Variants in PTGES3 observed in about 807,000 individuals in gnomAD.
PTGES3 encodes the protein prostaglandin E synthase 3.
PTGES3 carries 5 observed loss-of-function variants against 29.9 expected under a neutral mutation model. The ratio of observed to expected loss-of-function variants is 0.17; its 90% CI spans 0.09 to 0.35. The LOEUF is 0.35. PTGES3 is among the 10% of genes least tolerant of loss of function. The pLI, the probability that PTGES3 is intolerant of heterozygous loss-of-function variation, is 1.00. For missense variants in PTGES3, 128 were observed against 190.0 expected, an observed-to-expected ratio of 0.67 and a Z score of 1.92; for synonymous variants, 49 against 57.8, an observed-to-expected ratio of 0.85 and a Z score of 0.69.
At chr12:56,683,570 A>C (rs1214093605) in intron 1 of PTGES3, among the ~76,000 whole-genome samples, 5 of 151,438 alleles carry the variant, frequency 3.3e-5, no homozygotes, top group Non-Finnish European at 7.4e-5. Flanking sequence ...GAACTACTTC[A>C]ACCCAGAAGG....
intron 6 of PTGES3, 155 bp from the exon 7 acceptor site, chr12:56,664,955 G>C (rs1951732026): frequency 1.0e-6 from 1 of 985,144 alleles, no homozygotes; most frequent in Non-Finnish European, 1.2e-6. Flanking sequence ...GACTTGACTA[G>C]GTTTACCTAA....
intron 1 of PTGES3, among the ~76,000 whole-genome samples, chr12:56,679,567 TTA>T (rs1287150953): frequency 2.6e-5 from 4 of 152,188 alleles, no homozygotes; most frequent in African/African-American, 9.6e-5. Flanking sequence ...TACACAATGG[TTA>T]TGAGTTTAGC....
intron 1 of PTGES3, among the ~76,000 whole-genome samples, chr12:56,681,862 AAAAG>A (rs2137703334): frequency 6.6e-6 from 1 of 151,978 alleles, no homozygotes; most frequent in African/African-American, 2.4e-5. Flanking sequence ...ATCTCAAAAA[AAAAG>A]AGTCTCACTC....
chr12:56,666,313 C>A, intron 5 of PTGES3, 47 bp from the exon 6 acceptor site: 2 of 1,589,562 alleles, frequency 1.3e-6, no homozygotes, highest in Non-Finnish European at 1.7e-6. Flanking sequence ...TTAAGTTAGG[C>A]CCTAATTATT....
intron 1 of PTGES3, among the ~76,000 whole-genome samples, chr12:56,686,035 A>G (rs1592289645): frequency 6.6e-6 from 1 of 151,884 alleles, no homozygotes; most frequent in Non-Finnish European, 1.5e-5. Flanking sequence ...TCGGCCTCCC[A>G]AGTATAGGGA....
rs549250596 is a variant in PTGES3, at chr12:56,673,535, T to C, written c.3-470A>G. Among the ~76,000 whole-genome samples, 22 of 138,160 alleles carry C rather than the reference T, an allele frequency of 1.6e-4. No homozygotes were observed. The South Asian group carries it at 5.1e-3, about 32-fold the overall frequency. The allele number at this position is 138,160 out of a possible 152,430, so 90.6% of individuals were successfully genotyped here. ...AAAGCAGGGTACGGTGGCTCACGCCTGTAATCCCAGCACTTTGGGAGGCTG... is the reference window on the plus strand; with the variant it reads ...AAAGCAGGGTACGGTGGCTCACGCCCGTAATCCCAGCACTTTGGGAGGCTG... On this transcript the variant is annotated intron_variant, in intron 1 of 7. Coordinates refer to ENST00000262033, the MANE Select transcript of PTGES3 (RefSeq NM_006601.7).
chr12:56,687,750 G>GTTT lies in PTGES3; in HGVS notation c.2+247_2+248insAAA, dbSNP rs1455094023. On this transcript the variant is annotated intron_variant, in intron 1 of 7. Transcript: ENST00000262033. ...GGCGAGTAACCCAGACAGCCAAAGG[G>GTTT]GTAAAAGTAGGATTTCCGGCATGGG... 4 of 1,380,394 alleles carry GTTT rather than the reference G, an allele frequency of 2.9e-6. No homozygotes were observed. In the African/African-American group the frequency reaches 4.6e-5, roughly 16 times the overall value. 85.5% of individuals were successfully genotyped at this position (1,380,394 alleles called of 1,614,324 possible).
chr12:56,683,714 C>G (rs1952678142), intron 1 of PTGES3, among the ~76,000 whole-genome samples: 1 of 151,090 alleles, frequency 6.6e-6, no homozygotes, highest in South Asian at 2.1e-4. Context: ...AATCCCAGCA[C>G]TTTGGGAGGC....
At chr12:56,687,867 G>A (rs1952957895) in intron 1 of PTGES3, 131 bp downstream of exon 1, 17 of 1,549,550 alleles carry the variant, frequency 1.1e-5, no homozygotes, top group African/African-American at 1.4e-5. Context: ...AAGGATCCTG[G>A]ACCTCCCGCC....
In PTGES3 at chr12:56,679,408, C is replaced by CAAAA. The variant is rs770485836; in HGVS notation, c.3-6347_3-6344dup. Reference sequence around the variant, plus strand: ...TGGGCAACAGAGTGAGACTCTGCCTCAAAAAAAAAAAAAAAAAAAAAAAGC... The same window carrying CAAAA: ...TGGGCAACAGAGTGAGACTCTGCCTCAAAAAAAAAAAAAAAAAAAAAAAAAAAGC... On this transcript the variant is annotated intron_variant, in intron 1 of 7. Transcript: ENST00000262033. 2.6e-3 allele frequency among the ~76,000 whole-genome samples: 168 copies of CAAAA among 64,900 alleles called. 11 individuals are homozygous for CAAAA. Among genetic ancestry groups the CAAAA allele is most frequent in the Middle Eastern group, 0.014 (1 of 70 alleles). The allele number at this position is 64,900 out of a possible 152,430, so 42.6% of individuals were successfully genotyped here. A position where few individuals can be genotyped will look rare whatever the true frequency, so the allele number is the denominator to read the frequency against.
At chr12:56,680,362 A>C (rs1952473438) in intron 1 of PTGES3, among the ~76,000 whole-genome samples, 2 of 150,520 alleles carry the variant, frequency 1.3e-5, no homozygotes, top group South Asian at 2.1e-4. Flanking sequence ...GGTGTGAGTC[A>C]CTGCACCCAA....
intron 6 of PTGES3, 117 bp downstream of exon 6, chr12:56,666,087 C>CTT: frequency 3.6e-6 from 5 of 1,383,392 alleles, no homozygotes; most frequent in Admixed American, 3.2e-5. Context: ...TTTCCCTTTT[C>CTT]TTTTTTTTTA....
chr12:56,687,149 C>T, intron 1 of PTGES3: 10 of 937,622 alleles, frequency 1.1e-5, no homozygotes, highest in Non-Finnish European at 1.3e-5. Flanking sequence ...TCTGTATTCA[C>T]CTCCACACAA....
intron 1 of PTGES3, among the ~76,000 whole-genome samples, chr12:56,683,537 G>A (rs1952662441): frequency 7.0e-6 from 1 of 143,242 alleles, no homozygotes. Context: ...TGGAATCCCA[G>A]CTACTCAGGA....
chr12:56,664,421 T>G lies in PTGES3; in HGVS notation c.*58A>C. On this transcript the variant is annotated 3_prime_UTR_variant, in exon 8 of 8. Transcript: ENST00000262033. ...ATCAACTCAGGAATTCTCTCAATTA[T>G]GAAATCTTGCAGAGAAGTTATTTTT... 6.3e-7 allele frequency: 1 copy of G among 1,588,894 alleles called. No individual in the cohort carries two copies. The highest frequency in any genetic ancestry group is 8.6e-7 in the Non-Finnish European group (1 of 1,164,494).
rs951939884 is a variant in PTGES3 at position 56,665,208 on chromosome 12, A to C, written c.439-408T>G. 8 of 985,276 alleles carry C rather than the reference A, an allele frequency of 8.1e-6. No individual in the cohort carries two copies. The Admixed American group carries it at 4.3e-4, about 53-fold the overall frequency. The allele number at this position is 985,276 out of a possible 1,614,324, so 61.0% of individuals were successfully genotyped here. A position where few individuals can be genotyped will look rare whatever the true frequency, so the allele number is the denominator to read the frequency against. ...TTAAATAACTTTCTGGGAGATGTTA[A>C]CAGGATGCTGGGGTTGGAAAGATGT... is the stretch of plus-strand genomic sequence containing the variant. On this transcript the variant is annotated intron_variant, in intron 6 of 7. Coordinates refer to ENST00000262033, the MANE Select transcript of PTGES3 (RefSeq NM_006601.7).
intron 1 of PTGES3, among the ~76,000 whole-genome samples, chr12:56,676,920 C>CAAAA (rs34739170): frequency 0.048 from 2,413 of 50,492 alleles, 616 homozygotes; most frequent in East Asian, 0.2. Flanking sequence ...GATTCCGACT[C>CAAAA]AAAAAAAAAA....
At chr12:56,686,916 G>A (rs1371226703) in intron 1 of PTGES3, 1 of 320,962 alleles carries the variant, frequency 3.1e-6, no homozygotes, top group African/African-American at 2.3e-5. Context: ...TCTGAATGGA[G>A]TCTAAAACAA....
intron 5 of PTGES3, 116 bp from the exon 6 acceptor site, chr12:56,666,382 T>C (rs936503564): frequency 1.6e-6 from 2 of 1,253,190 alleles, no homozygotes; most frequent in African/African-American, 3.1e-5. Flanking sequence ...AAATGCAAAA[T>C]GCAAATATAA....
Sources: allele counts gnomAD v4.1 joint callset (sites outside exome capture counted in the v4.1 genomes callset), GRCh38; gene constraint gnomAD v4.1.1; transcripts MANE v1.5; gene names NCBI Gene and HGNC (gene_info 2026-07-23, HGNC 2026-07-21).